Variants in NRG2 observed in about 807,000 individuals in gnomAD.
NRG2 encodes the protein pro-neuregulin-2, membrane-bound isoform.
Under a neutral mutation model 73.9 loss-of-function variants are expected in NRG2, and 27 were observed. The observed-to-expected ratio is 0.37, with a 90% CI of 0.27 to 0.50. The LOEUF is 0.50. NRG2 is among the 20% of genes least tolerant of loss of function. The probability of loss-of-function intolerance (pLI) is 0.96; values close to 1 mark genes in which losing one functional copy is unlikely to be tolerated. For synonymous variants in NRG2, 532 were observed against 541.0 expected, an observed-to-expected ratio of 0.98 and a Z score of 0.23; for missense variants, 1,126 against 1,210.1, an observed-to-expected ratio of 0.93 and a Z score of 1.03.
At chr5:139,931,699 A>G (rs1385869807) in intron 1 of NRG2, among the ~76,000 whole-genome samples, 1 of 152,248 alleles carries the variant, frequency 6.6e-6, no homozygotes, top group Admixed American at 6.5e-5. Context: ...GGAAATGGAA[A>G]CACATTTTAA....
intron 1 of NRG2, among the ~76,000 whole-genome samples, chr5:139,924,118 T>C (rs1751875156): frequency 6.6e-6 from 1 of 152,114 alleles, no homozygotes; most frequent in Non-Finnish European, 1.5e-5. Flanking sequence ...CCTGGTCCCA[T>C]GTTCAGTTGC....
chr5:139,887,425 T>C lies in NRG2; in HGVS notation c.787A>G (p.Asn263Asp). The C allele has an allele frequency of 1.2e-6, 2 of 1,614,276 alleles. No individual in the cohort carries two copies. The highest frequency in any genetic ancestry group is 1.7e-6 in the Non-Finnish European group (2 of 1,180,048). ...QSLKCEAAAGNPQPSYRWFKD... is the reference protein window; with the variant it reads ...QSLKCEAAAGDPQPSYRWFKD... ...AACCAACGGTAGGAAGGCTGGGGAT[T>C]ACCGGCTGCTGCCTCACACTTCAGC... The change falls in exon 2 of 10, where the codon AAT (asparagine) becomes GAT (aspartate). Residue 263 changes from asparagine to aspartate, a missense_variant. Transcript: ENST00000361474. This position sits in a 1 kb window ranked among gnomAD's most constrained non-coding sequence, Gnocchi z 4.5.
intron 1 of NRG2, among the ~76,000 whole-genome samples, chr5:139,962,626 TG>T (rs1317384147): frequency 6.6e-6 from 1 of 152,176 alleles, no homozygotes; most frequent in Non-Finnish European, 1.5e-5. Flanking sequence ...CAGGAAGTCC[TG>T]TGAAGTTACA....
At chr5:139,859,923 A>G (rs767928432) in intron 5 of NRG2, 43 of 1,598,542 alleles carry the variant, frequency 2.7e-5, no homozygotes, top group Non-Finnish European at 3.6e-5. Context: ...CTGGCAGTGC[A>G]GAAGAGCGAG....
intron 1 of NRG2, among the ~76,000 whole-genome samples, chr5:139,939,229 TTCCTTCCTTCCTTC>T (rs1753179514): frequency 2.0e-5 from 3 of 146,988 alleles, no homozygotes. Flanking sequence ...CCTTCCTTCC[TTCCTTCCTTCCTTC>T]CTTTCTTTCT....
In NRG2 at chr5:140,024,406, C is replaced by T. The variant is rs537234378; in HGVS notation, c.700+17964G>A. 1.4e-3 allele frequency among the ~76,000 whole-genome samples: 219 copies of T among 152,266 alleles called. 2 individuals are homozygous for T. The highest frequency in any genetic ancestry group is 5.1e-3 in the African/African-American group (211 of 41,546). On this transcript the variant is annotated intron_variant, in intron 1 of 9. Transcript: ENST00000361474. Reference sequence around the variant, plus strand: ...AGTAGCTGGGACTACAGGCGCCCGCCACTAGACCCGGCTAAGTTTTTGTAA... The same window carrying T: ...AGTAGCTGGGACTACAGGCGCCCGCTACTAGACCCGGCTAAGTTTTTGTAA...
chr5:140,000,957 G>A (rs1023939439), intron 1 of NRG2, among the ~76,000 whole-genome samples: 1 of 152,114 alleles, frequency 6.6e-6, no homozygotes, highest in South Asian at 2.1e-4. Flanking sequence ...CGTCCTTCTC[G>A]ATCTCTCTGT....
chr5:139,899,363 C>A (rs1764736967), intron 1 of NRG2, among the ~76,000 whole-genome samples: 1 of 152,252 alleles, frequency 6.6e-6, no homozygotes, highest in African/African-American at 2.4e-5. Flanking sequence ...AGAAATTGTA[C>A]TTCTAACAAG....
In NRG2 at chr5:139,903,925, C is replaced by A. The variant is rs181555789; in HGVS notation, c.701-16414G>T. Among the ~76,000 whole-genome samples, 601 of 152,350 alleles carry A rather than the reference C, an allele frequency of 3.9e-3. 6 individuals are homozygous for A. The highest frequency in any genetic ancestry group is 0.014 in the African/African-American group (565 of 41,584). Reference sequence around the variant, plus strand: ...AGGAAGGGAAGGCAGTGACAGCTCCCGGAGCGCTCGGCGGCCAGGCCGGGC... The same window carrying A: ...AGGAAGGGAAGGCAGTGACAGCTCCAGGAGCGCTCGGCGGCCAGGCCGGGC... On this transcript the variant is annotated intron_variant, in intron 1 of 9. Coordinates refer to ENST00000361474, the MANE Select transcript of NRG2 (RefSeq NM_004883.3).
At chr5:140,036,197 T>C (rs1761494799) in intron 1 of NRG2, among the ~76,000 whole-genome samples, 1 of 152,234 alleles carries the variant, frequency 6.6e-6, no homozygotes, top group Admixed American at 6.5e-5. Flanking sequence ...GGAGCTCATA[T>C]GCCACACTCT....
At chr5:139,978,747 T>C (rs972658445) in intron 1 of NRG2, among the ~76,000 whole-genome samples, 2 of 152,144 alleles carry the variant, frequency 1.3e-5, no homozygotes, top group Non-Finnish European at 2.9e-5. Context: ...TGCGGCACTA[T>C]GTTTACTGTG....
rs927594845 is a variant in NRG2 at position 139,847,908 on chromosome 5, G to A, written c.*9C>T. 1.1e-5 allele frequency: 16 copies of A among 1,430,624 alleles called. No individual in the cohort carries two copies. The highest frequency in any genetic ancestry group is 1.1e-5 in the Non-Finnish European group (12 of 1,099,364). The allele number at this position is 1,430,624 out of a possible 1,614,324, so 88.6% of individuals were successfully genotyped here. ...GGGCGGGCGGGGCGGAGGGGCGCGC[G>A]GCGGGGCCCTAGAGTGGCGCCGAGT... On this transcript the variant is annotated 3_prime_UTR_variant, in exon 10 of 10. Transcript: ENST00000361474.
chr5:139,967,200 G>A (rs1211085964), intron 1 of NRG2, among the ~76,000 whole-genome samples: 1 of 152,132 alleles, frequency 6.6e-6, no homozygotes, highest in Non-Finnish European at 1.5e-5. Flanking sequence ...ATTCAAGAAA[G>A]CTATTTAGAG....
At chr5:140,000,551 G>A (rs752605798) in intron 1 of NRG2, among the ~76,000 whole-genome samples, 3 of 152,250 alleles carry the variant, frequency 2.0e-5, no homozygotes, top group South Asian at 2.1e-4. Flanking sequence ...CACCGAAGGC[G>A]GGCAGGCAGG....
rs570717746 is a variant in NRG2 at position 140,010,153 on chromosome 5, A to C, written c.700+32217T>G. ...TCTCTACTAAAAATACAAAAATTAG[A>C]TGGGCATGGTGGCAGGTGCCTGTAA... On this transcript the variant is annotated intron_variant, in intron 1 of 9. Coordinates refer to ENST00000361474, the MANE Select transcript of NRG2 (RefSeq NM_004883.3). 3.6e-3 allele frequency among the ~76,000 whole-genome samples: 545 copies of C among 152,120 alleles called. 2 individuals are homozygous for C. The highest frequency in any genetic ancestry group is 6.2e-3 in the Non-Finnish European group (422 of 67,948).
chr5:139,904,382 T>C lies in NRG2; in HGVS notation c.701-16871A>G. 1 of 1,571,726 alleles carries C rather than the reference T, an allele frequency of 6.4e-7. No homozygotes were observed. ...TTCTTGCCGCGGCCGCGGCCCCTCCTCCTGGACTCCGACATTCTGCACGGG... is the reference window on the plus strand; with the variant it reads ...TTCTTGCCGCGGCCGCGGCCCCTCCCCCTGGACTCCGACATTCTGCACGGG... On this transcript the variant is annotated intron_variant, in intron 1 of 9. Coordinates refer to ENST00000361474, the MANE Select transcript of NRG2 (RefSeq NM_004883.3). The surrounding 1 kb of genome is among the most constrained non-coding windows in gnomAD (Gnocchi z 6.0).
chr5:140,010,844 TC>T (rs1759308765), intron 1 of NRG2, among the ~76,000 whole-genome samples: 2 of 152,200 alleles, frequency 1.3e-5, no homozygotes, highest in Non-Finnish European at 2.9e-5. Flanking sequence ...ATCGGACACA[TC>T]CGTGCTCCCC....
intron 1 of NRG2, among the ~76,000 whole-genome samples, chr5:139,959,363 C>A (rs1394697918): frequency 2.0e-5 from 3 of 151,712 alleles, no homozygotes; most frequent in Admixed American, 2.0e-4. Context: ...CCACACCTGG[C>A]TAATTTTGTT....
In NRG2 at chr5:139,870,103, C is replaced by G. The variant is rs928217332; in HGVS notation, c.1112+1618G>C. ...GAGACAAGGAAATGGGGATGCAGGG[C>G]TGGGTCATCCCTGTGAGGTATTCCA... On this transcript the variant is annotated intron_variant, in intron 4 of 9. Transcript: ENST00000361474. This position sits in a 1 kb window ranked among gnomAD's most constrained non-coding sequence, Gnocchi z 4.4. Among the ~76,000 whole-genome samples, 4 of 152,140 alleles carry G rather than the reference C, an allele frequency of 2.6e-5. No homozygotes were observed. The highest frequency in any genetic ancestry group is 9.7e-5 in the African/African-American group (4 of 41,418).
Sources: gnomAD v4.1 joint callset for allele counts (sites outside exome capture counted in the v4.1 genomes callset) on GRCh38, gnomAD v4.1.1 for gene constraint, Gnocchi (gnomAD v3.1) non-coding constraint, MANE v1.5 for transcripts, NCBI Gene and HGNC (gene_info 2026-07-23, HGNC 2026-07-21) for gene names.